The following RPS6KB1 variants were observed in gnomAD, a reference collection of about 807,000 sequenced individuals.
RPS6KB1 encodes ribosomal protein S6 kinase beta-1.
RPS6KB1 carries 12 observed loss-of-function variants against 70.2 expected under a neutral mutation model. That is an observed-to-expected ratio of 0.17 (90% CI 0.11 to 0.28). The LOEUF (loss-of-function observed/expected upper bound fraction) is 0.28, where lower values mean the gene tolerates loss of function less well. RPS6KB1 is among the 10% of genes least tolerant of loss of function. The pLI is 1.00. For synonymous variants in RPS6KB1, 175 were observed against 211.2 expected (o/e 0.83, Z 1.49); for missense variants, 270 against 646.6 (o/e 0.42, Z 6.32).
intron 4 of RPS6KB1, among the ~76,000 whole-genome samples, chr17:59,923,541 C>T (rs374132965): frequency 6.6e-6 from 1 of 151,914 alleles, no homozygotes; most frequent in African/African-American, 2.4e-5. Flanking sequence ...GATGGAGTCT[C>T]GCTTTGTCCC....
rs779509867 is a variant in RPS6KB1 at position 59,914,840 on chromosome 17, T to A, written c.381+137T>A. 20 of 688,634 alleles carry A rather than the reference T, an allele frequency of 2.9e-5. No individual in the cohort carries two copies. In the Middle Eastern group the frequency reaches 1.6e-3, roughly 57 times the overall value. The allele number at this position is 688,634 out of a possible 1,614,324, so 42.7% of individuals were successfully genotyped here. A position where few individuals can be genotyped will look rare whatever the true frequency, so the allele number is the denominator to read the frequency against. ...CCTAAAATTTGCAGTCAAAAAAATG[T>A]ATCTCAAGCCAGGTACAGTGGTGCA... is the stretch of plus-strand genomic sequence containing the variant. On this transcript the variant is annotated intron_variant, in intron 4 of 14. Transcript: ENST00000225577.
At chr17:59,927,285 T>C (rs1276073160) in intron 5 of RPS6KB1, among the ~76,000 whole-genome samples, 2 of 152,042 alleles carry the variant, frequency 1.3e-5, no homozygotes, top group African/African-American at 4.8e-5. Flanking sequence ...GGTTTCACCA[T>C]GTTGGTCAGG....
chr17:59,946,201 TGAG>T lies in RPS6KB1; in HGVS notation c.1341-346_1341-344del, dbSNP rs760398112. Among the ~76,000 whole-genome samples, 51 of 152,040 alleles carry T rather than the reference TGAG, an allele frequency of 3.4e-4. No individual in the cohort carries two copies. The highest frequency in any genetic ancestry group is 3.9e-4 in the Admixed American group (6 of 15,252). On this transcript the variant is annotated intron_variant, in intron 14 of 14. Transcript: ENST00000225577. The surrounding 1 kb of genome is among the most constrained non-coding windows in gnomAD (Gnocchi z 4.2). ...CAGTGTTCCTGGAGTGTGTGGTGAGTGAGGAGAAGGGCAGAGGTTTGGAAAAGT... is the reference window on the plus strand; with the variant it reads ...CAGTGTTCCTGGAGTGTGTGGTGAGTGAGAAGGGCAGAGGTTTGGAAAAGT...
Position 59,947,155 on chromosome 17 carries a change from A to C in RPS6KB1, c.*367A>C. 1 of 1,062,268 alleles carries C rather than the reference A, an allele frequency of 9.4e-7. No individual in the cohort carries two copies. The allele number at this position is 1,062,268 out of a possible 1,614,324, so 65.8% of individuals were successfully genotyped here. On this transcript the variant is annotated 3_prime_UTR_variant, in exon 15 of 15. Transcript: ENST00000225577. Reference sequence around the variant, plus strand: ...GTTGAAGAAGGGTTATCCTTTCATTAGGCAAAGTACAAAATTGCCTATAAT... The same window carrying C: ...GTTGAAGAAGGGTTATCCTTTCATTCGGCAAAGTACAAAATTGCCTATAAT...
chr17:59,947,528 A>G lies in RPS6KB1; in HGVS notation c.*740A>G. On this transcript the variant is annotated 3_prime_UTR_variant, in exon 15 of 15. Coordinates refer to ENST00000225577, the MANE Select transcript of RPS6KB1 (RefSeq NM_003161.4). ...GTTTATTTTCAGTAACCCAGCTGCA[A>G]TACCTGTCTGTAATATGAGAAAAAA... The G allele has an allele frequency of 2.0e-6, 3 of 1,532,768 alleles. No individual in the cohort carries two copies. Among genetic ancestry groups the G allele is most frequent in the Non-Finnish European group, 2.6e-6 (3 of 1,135,506 alleles). The allele number at this position is 1,532,768 out of a possible 1,614,324, so 94.9% of individuals were successfully genotyped here. A position where few individuals can be genotyped will look rare whatever the true frequency, so the allele number is the denominator to read the frequency against.
intron 4 of RPS6KB1, among the ~76,000 whole-genome samples, chr17:59,923,698 C>T (rs1294343719): frequency 1.3e-5 from 2 of 150,704 alleles, no homozygotes; most frequent in Non-Finnish European, 3.0e-5. Context: ...TTAGTAGAGA[C>T]GGGGTTTCAT....
chr17:59,908,840 G>T (rs1313694639), intron 1 of RPS6KB1, among the ~76,000 whole-genome samples: 2 of 137,600 alleles, frequency 1.5e-5, no homozygotes, highest in Admixed American at 7.3e-5. Context: ...GGATGGTCTC[G>T]ATTTCCTGAC....
intron 12 of RPS6KB1, among the ~76,000 whole-genome samples, chr17:59,939,557 T>C (rs2044457937): frequency 1.3e-5 from 2 of 152,242 alleles, no homozygotes; most frequent in African/African-American, 2.4e-5. Context: ...GTTGGGATGA[T>C]AGGCATGAGC....
chr17:59,936,104 G>C, intron 10 of RPS6KB1, 111 bp from the exon 11 acceptor site: 1 of 944,408 alleles, frequency 1.1e-6, no homozygotes, highest in Non-Finnish European at 1.6e-6. Flanking sequence ...ACTGTGCCTG[G>C]CCAATAAACT....
intron 12 of RPS6KB1, among the ~76,000 whole-genome samples, chr17:59,938,909 C>G (rs558283013): frequency 6.6e-6 from 1 of 152,096 alleles, no homozygotes; most frequent in Non-Finnish European, 1.5e-5. Flanking sequence ...TACAGCTAAG[C>G]GTTAATAGGC....
chr17:59,944,791 C>CTTTTTTTTTTTTT (rs3066277), intron 13 of RPS6KB1, among the ~76,000 whole-genome samples: 1 of 134,490 alleles, frequency 7.4e-6, no homozygotes. Context: ...TATTTAACAT[C>CTTTTTTTTTTTTT]TTTTTTTTTT....
intron 1 of RPS6KB1, among the ~76,000 whole-genome samples, chr17:59,908,585 T>G (rs2042405537): frequency 6.6e-6 from 1 of 150,996 alleles, no homozygotes; most frequent in Non-Finnish European, 1.5e-5. Context: ...ATGAGTAGCC[T>G]CTACAGTTAA....
intron 1 of RPS6KB1, among the ~76,000 whole-genome samples, chr17:59,899,642 C>T (rs992052288): frequency 2.0e-5 from 3 of 152,224 alleles, no homozygotes; most frequent in East Asian, 3.9e-4. Flanking sequence ...CAAAAAAAAC[C>T]TTTAACCATG....
intron 4 of RPS6KB1, among the ~76,000 whole-genome samples, chr17:59,917,392 A>G (rs9902680): frequency 0.14 from 21,663 of 151,994 alleles, 1,694 homozygotes; most frequent in Middle Eastern, 0.19. Flanking sequence ...CTGGGATTGG[A>G]TTACAGGTAT....
At position 59,914,505 on chromosome 17, in the gene RPS6KB1, T is replaced by G. The variant is rs1215142227; in HGVS notation, c.313-130T>G. 4 of 732,472 alleles carry G rather than the reference T, an allele frequency of 5.5e-6. No homozygotes were observed. In the East Asian group the frequency reaches 1.0e-4, roughly 18 times the overall value. 45.4% of individuals were successfully genotyped at this position (732,472 alleles called of 1,614,324 possible). A position where few individuals can be genotyped will look rare whatever the true frequency, so the allele number is the denominator to read the frequency against. ...TGATCATTAATGTGGTCTGTTCTTTTAGCTGATCATTTTTGCACATAGTTT... is the reference window on the plus strand; with the variant it reads ...TGATCATTAATGTGGTCTGTTCTTTGAGCTGATCATTTTTGCACATAGTTT... On this transcript the variant is annotated intron_variant, in intron 3 of 14. Transcript: ENST00000225577.
At chr17:59,900,468 C>T (rs944202866) in intron 1 of RPS6KB1, among the ~76,000 whole-genome samples, 5 of 151,934 alleles carry the variant, frequency 3.3e-5, no homozygotes, top group South Asian at 2.1e-4. Flanking sequence ...TGGGTTCAAG[C>T]GATTCTCTTT....
chr17:59,901,310 C>T lies in RPS6KB1; in HGVS notation c.141+7985C>T, dbSNP rs377633849. On this transcript the variant is annotated intron_variant, in intron 1 of 14. Coordinates refer to ENST00000225577, the MANE Select transcript of RPS6KB1 (RefSeq NM_003161.4). Reference sequence around the variant, plus strand: ...GACTACAGGTGCCCGCCACCACGCCCGGCTAATGTTTTGTATTTTTAGTAG... The same window carrying T: ...GACTACAGGTGCCCGCCACCACGCCTGGCTAATGTTTTGTATTTTTAGTAG... Among the ~76,000 whole-genome samples the T allele has an allele frequency of 5.2e-3, 792 of 151,406 alleles. 12 individuals are homozygous for T. Among genetic ancestry groups the T allele is most frequent in the African/African-American group, 0.018 (762 of 41,376 alleles).
At chr17:59,906,698 T>G (rs1232559106) in intron 1 of RPS6KB1, among the ~76,000 whole-genome samples, 2 of 152,006 alleles carry the variant, frequency 1.3e-5, no homozygotes, top group Non-Finnish European at 2.9e-5. Flanking sequence ...TTACTTTTTT[T>G]TGTTTGTTTG....
chr17:59,937,324 T>C lies in RPS6KB1; in HGVS notation c.1119+783T>C, dbSNP rs531208422. On this transcript the variant is annotated intron_variant, in intron 12 of 14. Coordinates refer to ENST00000225577, the MANE Select transcript of RPS6KB1 (RefSeq NM_003161.4). ...TTGCTTAATTTAACCATTTTAAATATGATTCTCTGGGAATTTTTTCTTCAA... is the reference window on the plus strand; with the variant it reads ...TTGCTTAATTTAACCATTTTAAATACGATTCTCTGGGAATTTTTTCTTCAA... Among the ~76,000 whole-genome samples the C allele has an allele frequency of 7.9e-5, 12 of 152,364 alleles. No homozygotes were observed. The East Asian group carries it at 1.5e-3, about 20-fold the overall frequency.
Sources: allele counts gnomAD v4.1 joint callset (sites outside exome capture counted in the v4.1 genomes callset), GRCh38; gene constraint gnomAD v4.1.1; non-coding constraint Gnocchi (gnomAD v3.1); transcripts MANE v1.5; gene names NCBI Gene and HGNC (gene_info 2026-07-23, HGNC 2026-07-21).